Variants in CCDC172 observed in about 807,000 individuals in gnomAD.
CCDC172 encodes coiled-coil domain containing 172.
In CCDC172, 30 loss-of-function variants were observed where a neutral mutation model predicts 38.0. The observed-to-expected ratio is 0.79, with a 90% CI of 0.59 to 1.07. The LOEUF is 1.07. Ranked by LOEUF, CCDC172 falls within the 50% of genes least tolerant of loss-of-function variation. The pLI is 0.00. For synonymous variants in CCDC172, 78 were observed against 88.3 expected (o/e 0.88, Z 0.66); for missense variants, 297 against 290.1 (o/e 1.02, Z -0.17).
At chr10:116,376,600 T>G (rs1845248591) in intron 7 of CCDC172, among the ~76,000 whole-genome samples, 1 of 152,240 alleles carries the variant, frequency 6.6e-6, no homozygotes, top group Admixed American at 6.5e-5. Context: ...GGCAATAAAT[T>G]TCCAGAGCAC....
chr10:116,343,533 A>T (rs868148078), intron 5 of CCDC172, among the ~76,000 whole-genome samples: 280 of 130,018 alleles, frequency 2.2e-3, no homozygotes, highest in Middle Eastern at 0.011. Flanking sequence ...TTTTTTTTTT[A>T]AAAAAATATA....
intron 5 of CCDC172, among the ~76,000 whole-genome samples, chr10:116,344,791 C>CA (rs1844844312): frequency 6.8e-6 from 1 of 147,344 alleles, no homozygotes; most frequent in Admixed American, 6.8e-5. Context: ...TATGAATATA[C>CA]AAAAAATTTT....
At position 116,373,418 on chromosome 10, in the gene CCDC172, T is replaced by G. The variant is rs548020566; in HGVS notation, c.654-5005T>G. On this transcript the variant is annotated intron_variant, in intron 7 of 8. Transcript: ENST00000333254. ...TATAGCATATGTAAAAACAAAAATA[T>G]ATGATGATGACCGAACAAAAAATGG... Among the ~76,000 whole-genome samples, 3 of 152,296 alleles carry G rather than the reference T, an allele frequency of 2.0e-5. No individual in the cohort carries two copies. The South Asian group carries it at 6.2e-4, about 32-fold the overall frequency.
intron 7 of CCDC172, among the ~76,000 whole-genome samples, chr10:116,377,084 A>G (rs1845255047): frequency 6.6e-6 from 1 of 152,188 alleles, no homozygotes; most frequent in Non-Finnish European, 1.5e-5. Flanking sequence ...CCTAATGTTA[A>G]AAGATGAGTT....
chr10:116,354,615 T>C (rs562745877), intron 5 of CCDC172, among the ~76,000 whole-genome samples: 3 of 152,304 alleles, frequency 2.0e-5, no homozygotes, highest in African/African-American at 7.2e-5. Flanking sequence ...TCCCAGCTAC[T>C]TGGGAGGCTG....
intron 7 of CCDC172, among the ~76,000 whole-genome samples, chr10:116,375,600 C>T (rs1335499571): frequency 1.3e-5 from 2 of 151,954 alleles, no homozygotes; most frequent in African/African-American, 4.8e-5. Flanking sequence ...CCAGCTTCAT[C>T]CATGTCCCTG....
At chr10:116,346,835 A>G (rs934880471) in intron 5 of CCDC172, among the ~76,000 whole-genome samples, 1 of 152,154 alleles carries the variant, frequency 6.6e-6, no homozygotes, top group Non-Finnish European at 1.5e-5. Context: ...ATAAAACTTT[A>G]ATCTTTTTAA....
At chr10:116,337,981 G>T (rs371660511) in intron 3 of CCDC172, among the ~76,000 whole-genome samples, 28 of 152,270 alleles carry the variant, frequency 1.8e-4, no homozygotes, top group African/African-American at 6.3e-4. Context: ...AACATTCTAC[G>T]AATAGGAGAC....
chr10:116,361,339 C>T (rs940084868), intron 7 of CCDC172, among the ~76,000 whole-genome samples: 1 of 152,098 alleles, frequency 6.6e-6, no homozygotes, highest in African/African-American at 2.4e-5. Context: ...AGTTCTTGAT[C>T]ATGATTTTTT....
At chr10:116,348,566 G>A (rs1844894224) in intron 5 of CCDC172, among the ~76,000 whole-genome samples, 1 of 152,004 alleles carries the variant, frequency 6.6e-6, no homozygotes, top group Non-Finnish European at 1.5e-5. Context: ...CAGGATTGGA[G>A]CCTATTCTTA....
In CCDC172 at chr10:116,357,878, ATCT is replaced by A. The variant is rs1845018577; in HGVS notation, c.594_596del (p.Tyr198_Leu199delinsTer). 6.4e-7 allele frequency: 1 copy of A among 1,571,352 alleles called. No homozygotes were observed. Among genetic ancestry groups the A allele is most frequent in the African/African-American group, 1.4e-5 (1 of 72,432 alleles). ...AATGAATCCATTTGTACTACCAAAT[ATCT>A]AGAGGCAGAAAAAATAAAAATCAGT... On this transcript the variant is annotated stop_gained and inframe_deletion, in exon 7 of 9. Coordinates refer to ENST00000333254, the MANE Select transcript of CCDC172 (RefSeq NM_198515.3). LOFTEE classifies it high-confidence loss of function.
At chr10:116,356,140 G>A (rs1191111077) in intron 5 of CCDC172, among the ~76,000 whole-genome samples, 2 of 152,070 alleles carry the variant, frequency 1.3e-5, no homozygotes, top group Admixed American at 1.3e-4. Context: ...AGACCAGCCT[G>A]ACCAACATGG....
chr10:116,357,530 A>G (rs778710888), intron 6 of CCDC172, 49 bp downstream of exon 6: 14 of 1,357,068 alleles, frequency 1.0e-5, no homozygotes, highest in Non-Finnish European at 1.4e-5. Context: ...ATAGTTATAT[A>G]TGCATGATAA....
At chr10:116,338,645 CTT>C (rs1844758391) in intron 3 of CCDC172, among the ~76,000 whole-genome samples, 1 of 152,014 alleles carries the variant, frequency 6.6e-6, no homozygotes, top group Non-Finnish European at 1.5e-5. Context: ...CCTAGCTCTT[CTT>C]AATATTGGTT....
chr10:116,338,454 TAAA>T, intron 3 of CCDC172, among the ~76,000 whole-genome samples: 1 of 152,052 alleles, frequency 6.6e-6, no homozygotes, highest in East Asian at 1.9e-4. Context: ...ATAATAAAAA[TAAA>T]AACAAAGAAG....
intron 5 of CCDC172, among the ~76,000 whole-genome samples, chr10:116,346,358 C>T (rs970725150): frequency 1.3e-5 from 2 of 148,876 alleles, no homozygotes; most frequent in Non-Finnish European, 3.0e-5. Context: ...CAACGGAATA[C>T]TTGGCAATAA....
At chr10:116,342,364 C>T in intron 5 of CCDC172, 163 bp downstream of exon 5, 1 of 509,486 alleles carries the variant, frequency 2.0e-6, no homozygotes. Flanking sequence ...CTATTGTGAG[C>T]AGTTTCAAAT....
intron 7 of CCDC172, among the ~76,000 whole-genome samples, chr10:116,360,310 C>T (rs1375451893): frequency 6.6e-6 from 1 of 152,092 alleles, no homozygotes; most frequent in Non-Finnish European, 1.5e-5. Flanking sequence ...TTTTGAAACC[C>T]AGCTCTCCCC....
chr10:116,369,549 A>G (rs1057242938), intron 7 of CCDC172, among the ~76,000 whole-genome samples: 1 of 152,058 alleles, frequency 6.6e-6, no homozygotes, highest in Non-Finnish European at 1.5e-5. Flanking sequence ...AAAAGAGATT[A>G]TCTTCATTTT....
Sources: gnomAD v4.1 joint callset for allele counts (sites outside exome capture counted in the v4.1 genomes callset) on GRCh38, gnomAD v4.1.1 for gene constraint, MANE v1.5 for transcripts, NCBI Gene and HGNC (gene_info 2026-07-23, HGNC 2026-07-21) for gene names.